The following MICU2 variants were observed in gnomAD, a reference collection of about 807,000 sequenced individuals.
The protein encoded by MICU2 is mitochondrial calcium uptake 2.
A neutral mutation model predicts 60.4 loss-of-function variants in MICU2; 64 were observed. That is an observed-to-expected ratio of 1.06 (90% CI 0.87 to 1.31). MICU2 has a LOEUF of 1.31. MICU2 is among the 50% of genes most tolerant of loss of function. The pLI, the probability that MICU2 is intolerant of heterozygous loss-of-function variation, is 0.00. For missense variants in MICU2, 569 were observed against 531.0 expected (o/e 1.07, Z -0.70); for synonymous variants, 201 against 175.0 (o/e 1.15, Z -1.17).
chr13:21,534,810 T>C (rs1010918117), intron 4 of MICU2, among the ~76,000 whole-genome samples: 5 of 152,144 alleles, frequency 3.3e-5, no homozygotes, highest in African/African-American at 1.2e-4. Flanking sequence ...TTAAGAAAGA[T>C]TAGAAATCAG....
intron 2 of MICU2, among the ~76,000 whole-genome samples, chr13:21,543,431 T>C (rs1887331082): frequency 6.6e-6 from 1 of 152,018 alleles, no homozygotes; most frequent in Non-Finnish European, 1.5e-5. Context: ...AAACCTAAAG[T>C]CTCTACCAAA....
Position 21,531,399 on chromosome 13 carries a change from T to G in MICU2, c.466+7903A>C, listed in dbSNP as rs1480838259. 6 of 971,422 alleles carry G rather than the reference T, an allele frequency of 6.2e-6. No homozygotes were observed. The African/African-American group carries it at 9.9e-5, about 16-fold the overall frequency. The allele number at this position is 971,422 out of a possible 1,614,324, so 60.2% of individuals were successfully genotyped here. The stretch of plus-strand genomic sequence containing the variant: ...ACCCTGCAGGAGTTTAAAACGAGAG[T>G]GGTCCTTCCCTTTGCCTGTGGTGTC... On this transcript the variant is annotated intron_variant, in intron 4 of 11. Transcript: ENST00000382374.
intron 6 of MICU2, among the ~76,000 whole-genome samples, chr13:21,518,071 G>A (rs966381873): frequency 6.6e-6 from 1 of 151,980 alleles, no homozygotes. Flanking sequence ...ATATTCTTTT[G>A]GATATTTTCT....
chr13:21,496,431 C>T (rs902129328), intron 9 of MICU2: 1 of 375,986 alleles, frequency 2.7e-6, no homozygotes, highest in African/African-American at 2.1e-5. Flanking sequence ...GCCTCCAGAA[C>T]TGTGAGAAAT....
chr13:21,515,093 T>A (rs1886535668), intron 6 of MICU2, among the ~76,000 whole-genome samples: 1 of 151,478 alleles, frequency 6.6e-6, no homozygotes, highest in Admixed American at 6.6e-5. Flanking sequence ...TAGTTTTTTT[T>A]TTTTTTGAGA....
At chr13:21,539,204 A>G in intron 4 of MICU2, 98 bp downstream of exon 4, 2 of 1,045,996 alleles carry the variant, frequency 1.9e-6, no homozygotes, top group East Asian at 2.6e-5. Context: ...AAAAACACCT[A>G]TTAAATAACA....
chr13:21,552,296 ATTTG>A (rs1887590656), intron 2 of MICU2, among the ~76,000 whole-genome samples: 2 of 151,942 alleles, frequency 1.3e-5, no homozygotes, highest in African/African-American at 2.4e-5. Flanking sequence ...TTTCTTGTAA[ATTTG>A]TTTGAGTTCA....
intron 1 of MICU2, among the ~76,000 whole-genome samples, chr13:21,581,276 C>G (rs1291517198): frequency 6.6e-6 from 1 of 152,110 alleles, no homozygotes; most frequent in African/African-American, 2.4e-5. Context: ...CACCACCACA[C>G]CAGGCTAATT....
chr13:21,599,207 A>G (rs1345657236), intron 1 of MICU2, among the ~76,000 whole-genome samples: 2 of 152,232 alleles, frequency 1.3e-5, no homozygotes, highest in African/African-American at 4.8e-5. Flanking sequence ...CACTTTTATT[A>G]TTTAAATTCC....
intron 1 of MICU2, among the ~76,000 whole-genome samples, chr13:21,576,167 C>A (rs1247254059): frequency 6.6e-6 from 1 of 152,172 alleles, no homozygotes; most frequent in Non-Finnish European, 1.5e-5. Context: ...TTACTTTTCA[C>A]AATGAGATAT....
chr13:21,591,611 G>A (rs913877703), intron 1 of MICU2, among the ~76,000 whole-genome samples: 8 of 152,142 alleles, frequency 5.3e-5, no homozygotes, highest in African/African-American at 1.9e-4. Flanking sequence ...TTCTAAAACT[G>A]ATCACATAAT....
chr13:21,495,074 T>C (rs750218700), intron 11 of MICU2, 87 bp downstream of exon 11: 50 of 969,756 alleles, frequency 5.2e-5, no homozygotes, highest in Non-Finnish European at 7.0e-5. Context: ...GAAAACTCCA[T>C]TTAAAGACTG....
chr13:21,583,977 CAT>C (rs1566169029), intron 1 of MICU2, among the ~76,000 whole-genome samples: 1 of 152,128 alleles, frequency 6.6e-6, no homozygotes, highest in Non-Finnish European at 1.5e-5. Context: ...AGAAAAATGA[CAT>C]AATTTCAAAC....
At chr13:21,561,881 T>G (rs1016674337) in intron 2 of MICU2, among the ~76,000 whole-genome samples, 8 of 99,402 alleles carry the variant, frequency 8.0e-5, no homozygotes, top group South Asian at 7.8e-4. Flanking sequence ...CCCACAACAG[T>G]CCCCAGAGTG....
chr13:21,513,165 A>G (rs760343942), intron 7 of MICU2, among the ~76,000 whole-genome samples: 132 of 151,870 alleles, frequency 8.7e-4, no homozygotes, highest in Non-Finnish European at 1.5e-3. Flanking sequence ...GGGAGTTTCT[A>G]CAGAGACAAT....
At chr13:21,534,076 T>C (rs1887073752) in intron 4 of MICU2, among the ~76,000 whole-genome samples, 1 of 148,548 alleles carries the variant, frequency 6.7e-6, no homozygotes, top group Non-Finnish European at 1.5e-5. Flanking sequence ...CGTGAGACTG[T>C]CTAAAAAAAA....
chr13:21,579,307 C>G lies in MICU2; in HGVS notation c.211-12363G>C, dbSNP rs1888293180. 4.0e-5 allele frequency among the ~76,000 whole-genome samples: 6 copies of G among 149,518 alleles called. No homozygotes were observed. The South Asian group carries it at 1.3e-3, about 32-fold the overall frequency. ...AATACAGATATGATTATATAATATT[C>G]TGGCAAATTAATGTATTATTTAAGC... On this transcript the variant is annotated intron_variant, in intron 1 of 11. Coordinates refer to ENST00000382374, the MANE Select transcript of MICU2 (RefSeq NM_152726.3).
chr13:21,583,336 TTAAG>T (rs1888391698), intron 1 of MICU2, among the ~76,000 whole-genome samples: 1 of 152,230 alleles, frequency 6.6e-6, no homozygotes, highest in Admixed American at 6.5e-5. Context: ...TCAGTCAGTA[TTAAG>T]TTTTTTAAAA....
intron 2 of MICU2, among the ~76,000 whole-genome samples, chr13:21,548,994 T>G (rs1887482681): frequency 6.8e-6 from 1 of 146,774 alleles, no homozygotes; most frequent in African/African-American, 2.5e-5. Context: ...TGGCACAATC[T>G]TGGTTCACCG....
Sources: allele counts gnomAD v4.1 joint callset (sites outside exome capture counted in the v4.1 genomes callset), GRCh38; gene constraint gnomAD v4.1.1; transcripts MANE v1.5; gene names NCBI Gene and HGNC (gene_info 2026-07-23, HGNC 2026-07-21).